Variants in PLEKHA2 observed in about 807,000 individuals in gnomAD.
The protein encoded by PLEKHA2 is pleckstrin homology domain-containing family A member 2.
Under a neutral mutation model 53.2 loss-of-function variants are expected in PLEKHA2, and 28 were observed. The ratio of observed to expected loss-of-function variants is 0.53; its 90% CI spans 0.39 to 0.72. The LOEUF is 0.72. PLEKHA2 is among the 30% of genes least tolerant of loss of function. The pLI is 0.00. For synonymous variants in PLEKHA2, 193 were observed against 196.4 expected, an observed-to-expected ratio of 0.98 and a Z score of 0.14; for missense variants, 426 against 537.9, an observed-to-expected ratio of 0.79 and a Z score of 2.06.
chr8:38,916,135 C>A (rs1336144658), intron 1 of PLEKHA2, among the ~76,000 whole-genome samples: 1 of 152,120 alleles, frequency 6.6e-6, no homozygotes, highest in Non-Finnish European at 1.5e-5. Context: ...GCCACCACGA[C>A]TGGCTAATTT....
chr8:38,943,720 T>C, intron 3 of PLEKHA2, 69 bp from the exon 4 acceptor site: 1 of 1,273,268 alleles, frequency 7.9e-7, no homozygotes. Flanking sequence ...TATGAGAAAT[T>C]TCACAATAAG....
chr8:38,910,174 C>G (rs762709333), intron 1 of PLEKHA2, among the ~76,000 whole-genome samples: 26 of 152,154 alleles, frequency 1.7e-4, no homozygotes, highest in Non-Finnish European at 3.1e-4. Flanking sequence ...CCAGGCTGGT[C>G]TCAAACTCTT....
intron 8 of PLEKHA2, among the ~76,000 whole-genome samples, chr8:38,952,992 C>A (rs995606930): frequency 2.6e-5 from 4 of 152,152 alleles, no homozygotes; most frequent in Non-Finnish European, 5.9e-5. Flanking sequence ...TCACCTGTCA[C>A]CCAGGCTGGA....
chr8:38,908,672 G>T (rs758801100), intron 1 of PLEKHA2, among the ~76,000 whole-genome samples: 1 of 152,094 alleles, frequency 6.6e-6, no homozygotes, highest in Admixed American at 6.5e-5. Flanking sequence ...AAAACAGACC[G>T]TATATAGGAA....
intron 1 of PLEKHA2, among the ~76,000 whole-genome samples, chr8:38,906,921 C>A (rs1172398807): frequency 1.3e-5 from 2 of 152,202 alleles, no homozygotes; most frequent in Admixed American, 6.5e-5. Flanking sequence ...TGCTCCATAT[C>A]TCTATACCTC....
intron 6 of PLEKHA2, among the ~76,000 whole-genome samples, chr8:38,951,905 A>G (rs1834851344): frequency 6.6e-6 from 1 of 152,100 alleles, no homozygotes; most frequent in Non-Finnish European, 1.5e-5. Flanking sequence ...TTAAACAAAA[A>G]TTTTAAAACA....
chr8:38,951,811 A>G (rs1834849016), intron 6 of PLEKHA2, among the ~76,000 whole-genome samples: 1 of 152,186 alleles, frequency 6.6e-6, no homozygotes, highest in African/African-American at 2.4e-5. Flanking sequence ...GGCTGAAGCC[A>G]TCCTCCAACC....
At chr8:38,954,103 G>T (rs376119355) in intron 9 of PLEKHA2, among the ~76,000 whole-genome samples, 1 of 152,132 alleles carries the variant, frequency 6.6e-6, no homozygotes, top group Non-Finnish European at 1.5e-5. Context: ...GGGTGTTTGT[G>T]TCCCTCCGTC....
At chr8:38,952,431 C>T in intron 7 of PLEKHA2, 119 bp downstream of exon 7, 1 of 1,446,518 alleles carries the variant, frequency 6.9e-7, no homozygotes, top group Non-Finnish European at 9.3e-7. Flanking sequence ...CATGGAGCCT[C>T]CACCTTTGAG....
intron 2 of PLEKHA2, among the ~76,000 whole-genome samples, chr8:38,928,015 G>GTAC (rs1834318384): frequency 2.0e-5 from 3 of 152,012 alleles, no homozygotes; most frequent in African/African-American, 7.3e-5. Flanking sequence ...GGTTGACTGG[G>GTAC]GAGAGGAGGT....
intron 10 of PLEKHA2, among the ~76,000 whole-genome samples, chr8:38,964,580 A>G (rs564543647): frequency 1.3e-5 from 2 of 152,194 alleles, no homozygotes; most frequent in African/African-American, 2.4e-5. Context: ...ACCGATCCCT[A>G]TGCTGAAAAG....
rs1443529021 is a variant in PLEKHA2 at position 38,918,364 on chromosome 8, A to T, written c.141+294A>T. ...ATACACACATGCACACACCATATACACACCACACAGACACACACACATACC... is the reference window on the plus strand; with the variant it reads ...ATACACACATGCACACACCATATACTCACCACACAGACACACACACATACC... On this transcript the variant is annotated intron_variant, in intron 2 of 11. Coordinates refer to ENST00000617275, the MANE Select transcript of PLEKHA2 (RefSeq NM_021623.2). Among the ~76,000 whole-genome samples, 3 of 149,366 alleles carry T rather than the reference A, an allele frequency of 2.0e-5. No individual in the cohort carries two copies. The South Asian group carries it at 6.4e-4, about 32-fold the overall frequency.
In PLEKHA2 at chr8:38,920,016, G is replaced by C. The variant is rs1450991480; in HGVS notation, c.141+1946G>C. On this transcript the variant is annotated intron_variant, in intron 2 of 11. Transcript: ENST00000617275. ...AGACAGAGTCTTGCTCTGTCACCCA[G>C]GCTGGAGTGCAGTGGCATGATCTCG... Among the ~76,000 whole-genome samples the C allele has an allele frequency of 3.3e-5, 5 of 152,074 alleles. No individual in the cohort carries two copies. In the East Asian group the frequency reaches 9.6e-4, roughly 29 times the overall value.
chr8:38,936,253 G>C (rs1834492951), intron 3 of PLEKHA2, among the ~76,000 whole-genome samples: 2 of 152,288 alleles, frequency 1.3e-5, no homozygotes, highest in East Asian at 1.9e-4. Context: ...GTTGTTGGAG[G>C]GTGGACCTAC....
rs569403416 is a variant in PLEKHA2 at position 38,903,029 on chromosome 8, A to G, written c.-24+1584A>G. On this transcript the variant is annotated intron_variant, in intron 1 of 11. Coordinates refer to ENST00000617275, the MANE Select transcript of PLEKHA2 (RefSeq NM_021623.2). ...ATGGCCAGCCCAACGTATGACATGT[A>G]CCAGGTGCTAAGTAAATGTTTATTG... is the stretch of plus-strand genomic sequence containing the variant. Among the ~76,000 whole-genome samples the G allele has an allele frequency of 3.1e-4, 47 of 152,388 alleles. No individual in the cohort carries two copies. The South Asian group carries it at 3.5e-3, about 11-fold the overall frequency.
chr8:38,952,170 G>A lies in PLEKHA2; in HGVS notation c.491G>A (p.Gly164Asp), dbSNP rs764434465. 4 of 1,612,634 alleles carry A rather than the reference G, an allele frequency of 2.5e-6. No homozygotes were observed. In the South Asian group the frequency reaches 3.3e-5, roughly 13 times the overall value. ...VVVHTPISQN[G>D]GDGQEGSEPG... ...ACTGACACTGTTTCCTTGCAGAACG[G>A]TGGGGATGGGCAGGAAGGGAGTGAG... Residue 164 changes from glycine (G) to aspartate (D), a missense_variant, in exon 7 of 12, where the codon GGT becomes GAT. By Grantham distance (94) the Gly-to-Asp change is moderately conservative (BLOSUM62 -1). Transcript: ENST00000617275.
At position 38,926,418 on chromosome 8, in the gene PLEKHA2, C is replaced by G. The variant is rs191818275; in HGVS notation, c.141+8348C>G. On this transcript the variant is annotated intron_variant, in intron 2 of 11. Transcript: ENST00000617275. The stretch of plus-strand genomic sequence containing the variant: ...TTTTTTAGAGACAGGGTTCTTACTC[C>G]GTCTCCGAGACTGAAGTGTAGTGTG... Among the ~76,000 whole-genome samples the G allele has an allele frequency of 4.2e-3, 630 of 148,522 alleles. 1 individual carries two copies. Among genetic ancestry groups the G allele is most frequent in the Non-Finnish European group, 7.6e-3 (511 of 67,504 alleles).
Position 38,970,080 on chromosome 8 carries a change from G to T in PLEKHA2, c.*297G>T. On this transcript the variant is annotated 3_prime_UTR_variant, in exon 12 of 12. Transcript: ENST00000617275. ...CCTATTCTATTCTAACTATTCTGAG[G>T]TCTTCCTGGAGAGGGATTGTTTTAG... is the stretch of plus-strand genomic sequence containing the variant. The T allele has an allele frequency of 2.1e-6, 1 of 484,308 alleles. No homozygotes were observed. Among genetic ancestry groups the T allele is most frequent in the South Asian group, 4.2e-5 (1 of 23,818 alleles). The allele number at this position is 484,308 out of a possible 1,614,324, so 30.0% of individuals were successfully genotyped here. A position where few individuals can be genotyped will look rare whatever the true frequency, so the allele number is the denominator to read the frequency against.
chr8:38,933,279 C>T (rs185091598), intron 2 of PLEKHA2, among the ~76,000 whole-genome samples: 3 of 152,220 alleles, frequency 2.0e-5, no homozygotes, highest in East Asian at 3.9e-4. Flanking sequence ...TGGGCCCTCT[C>T]GTGTCTTTCC....
Sources: allele counts gnomAD v4.1 joint callset (sites outside exome capture counted in the v4.1 genomes callset), GRCh38; gene constraint gnomAD v4.1.1; transcripts MANE v1.5; gene names NCBI Gene and HGNC (gene_info 2026-07-23, HGNC 2026-07-21).